CMIP: variants seen among roughly 807,000 people sequenced by gnomAD.
The protein encoded by CMIP is c-Maf inducing protein.
A neutral mutation model predicts 97.3 loss-of-function variants in CMIP; 13 were observed. The observed-to-expected ratio is 0.13, with a 90% CI of 0.09 to 0.21. CMIP has a LOEUF of 0.21. Ranked by LOEUF, CMIP falls within the 10% of genes least tolerant of loss-of-function variation. The probability of loss-of-function intolerance (pLI) is 1.00; values close to 1 mark genes in which losing one functional copy is unlikely to be tolerated. For missense variants in CMIP, 847 were observed against 1,024.9 expected (o/e 0.83, Z 2.37); for synonymous variants, 538 against 436.3 (o/e 1.23, Z -2.91).
chr16:81,621,130 A>G lies in CMIP; in HGVS notation c.477+204A>G, dbSNP rs1036047339. The G allele has an allele frequency of 3.6e-6, 2 of 560,694 alleles. No homozygotes were observed. The highest frequency in any genetic ancestry group is 3.8e-5 in the African/African-American group (2 of 52,764). The allele number at this position is 560,694 out of a possible 1,614,324, so 34.7% of individuals were successfully genotyped here. On this transcript the variant is annotated intron_variant, in intron 3 of 20. Coordinates refer to ENST00000537098, the MANE Select transcript of CMIP (RefSeq NM_198390.3). The surrounding 1 kb of genome is among the most constrained non-coding windows in gnomAD (Gnocchi z 4.1). ...CTGTCCCCTGCAGTGCTGAAATAGC[A>G]TTCTCGCCCTGGTGTTCTCAAACCC...
intron 1 of CMIP, among the ~76,000 whole-genome samples, chr16:81,583,055 C>G (rs1390540303): frequency 6.6e-6 from 1 of 152,186 alleles, no homozygotes; most frequent in Non-Finnish European, 1.5e-5. Context: ...GTGTTTCTAT[C>G]TAAAATTATT....
intron 11 of CMIP, among the ~76,000 whole-genome samples, chr16:81,692,144 C>A (rs1376829868): frequency 1.3e-5 from 2 of 152,202 alleles, no homozygotes; most frequent in African/African-American, 4.8e-5. Flanking sequence ...TCCTGGCAGG[C>A]CGTGCAGTTA....
chr16:81,664,076 C>G (rs566230254), intron 6 of CMIP, among the ~76,000 whole-genome samples, 193 bp from the exon 7 acceptor site: 1 of 152,284 alleles, frequency 6.6e-6, no homozygotes, highest in Non-Finnish European at 1.5e-5. Flanking sequence ...CTACCTTCCT[C>G]TCCGTTCTGC....
chr16:81,708,872 G>T (rs935263463), intron 20 of CMIP, among the ~76,000 whole-genome samples: 1 of 152,230 alleles, frequency 6.6e-6, no homozygotes, highest in Non-Finnish European at 1.5e-5. Context: ...GCAGCAGCGA[G>T]GAATTGCATG....
rs2089573766 is a variant in CMIP at position 81,500,256 on chromosome 16, G to GTCCTTCCTTCCGTCCGTCCT, written c.300+54726_300+54727insGTCCGTCCTTCCTTCCTTCC. On this transcript the variant is annotated intron_variant, in intron 1 of 20. Coordinates refer to ENST00000537098, the MANE Select transcript of CMIP (RefSeq NM_198390.3). ...TATCAAAATTTCCTTCCTTCCTTCC[G>GTCCTTCCTTCCGTCCGTCCT]TCCTTCCTTCCTTCCGTCCTTCCTT... Among the ~76,000 whole-genome samples the GTCCTTCCTTCCGTCCGTCCT allele has an allele frequency of 6.9e-3, 759 of 109,474 alleles. 18 individuals carry two copies. Among genetic ancestry groups the GTCCTTCCTTCCGTCCGTCCT allele is most frequent in the African/African-American group, 0.024 (732 of 30,544 alleles). The allele number at this position is 109,474 out of a possible 152,430, so 71.8% of individuals were successfully genotyped here. A position where few individuals can be genotyped will look rare whatever the true frequency, so the allele number is the denominator to read the frequency against.
At chr16:81,653,414 T>G (rs2092450524) in intron 4 of CMIP, among the ~76,000 whole-genome samples, 2 of 151,780 alleles carry the variant, frequency 1.3e-5, no homozygotes, top group African/African-American at 4.8e-5. Context: ...GGAGGCGAGG[T>G]GGGAGGTAGA....
intron 1 of CMIP, among the ~76,000 whole-genome samples, chr16:81,542,369 G>C (rs768815277): frequency 1.4e-4 from 21 of 152,216 alleles, no homozygotes; most frequent in Non-Finnish European, 1.9e-4. Flanking sequence ...TTGAGTCCCA[G>C]TTGTATGCTC....
At chr16:81,706,104 C>T (rs1908108505) in intron 19 of CMIP, among the ~76,000 whole-genome samples, 1 of 152,248 alleles carries the variant, frequency 6.6e-6, no homozygotes, top group Admixed American at 6.5e-5. Context: ...ACAGAATTCT[C>T]AAGGAACCTA....
intron 3 of CMIP, among the ~76,000 whole-genome samples, chr16:81,638,506 C>T (rs745889340): frequency 6.6e-6 from 1 of 152,012 alleles, no homozygotes; most frequent in Non-Finnish European, 1.5e-5. Flanking sequence ...AGAAACTGGT[C>T]GTATCCTTAT....
At chr16:81,583,257 C>T (rs1467513498) in intron 1 of CMIP, among the ~76,000 whole-genome samples, 8 of 152,230 alleles carry the variant, frequency 5.3e-5, no homozygotes, top group Admixed American at 3.9e-4. Context: ...AGTCCTGGGC[C>T]TCATGTCTGT....
chr16:81,506,648 C>T (rs2089713902), intron 1 of CMIP, among the ~76,000 whole-genome samples: 1 of 152,358 alleles, frequency 6.6e-6, no homozygotes, highest in Middle Eastern at 3.4e-3. Context: ...AAATGGCTCA[C>T]TCATGCCTGT....
At chr16:81,583,453 T>A (rs1230759426) in intron 1 of CMIP, among the ~76,000 whole-genome samples, 1 of 152,228 alleles carries the variant, frequency 6.6e-6, no homozygotes, top group East Asian at 1.9e-4. Flanking sequence ...TCTTTCTCAG[T>A]TAGTGCCCGA....
intron 1 of CMIP, chr16:81,520,466 C>G (rs2089998080): frequency 6.6e-6 from 1 of 151,008 alleles, no homozygotes; most frequent in African/African-American, 2.4e-5. Flanking sequence ...TTTGGGAAGC[C>G]AAGGTAGGAG....
chr16:81,705,627 G>T (rs777098040), intron 19 of CMIP, 23 bp downstream of exon 19: 4 of 1,486,548 alleles, frequency 2.7e-6, no homozygotes, highest in South Asian at 1.2e-5. Context: ...GGGGCAGCTG[G>T]GGGGTGAGGG....
chr16:81,667,799 A>AGAGAGT lies in CMIP; in HGVS notation c.826-2342_826-2341insAGAGTG. 1.6e-3 allele frequency among the ~76,000 whole-genome samples: 95 copies of AGAGAGT among 58,136 alleles called. 1 individual carries two copies. Among genetic ancestry groups the AGAGAGT allele is most frequent in the East Asian group, 3.9e-3 (6 of 1,526 alleles). The allele number at this position is 58,136 out of a possible 152,430, so 38.1% of individuals were successfully genotyped here. A position where few individuals can be genotyped will look rare whatever the true frequency, so the allele number is the denominator to read the frequency against. ...GAGAGAGAGAGAGAGAGAGAGAGAG[A>AGAGAGT]GTGTGTGTGTGTGTGTGTGTGTGTG... On this transcript the variant is annotated intron_variant, in intron 7 of 20. Transcript: ENST00000537098.
rs1905718988 is a variant in CMIP at position 81,444,831 on chromosome 16, GAC to G, written c.-406_-405del. ...CCACTCTCGCCCGGACGGCCGCGCG[GAC>G]ACACGCTCTGTACACACGCGCGCGG... is the stretch of plus-strand genomic sequence containing the variant. On this transcript the variant is annotated 5_prime_UTR_variant, in exon 1 of 21. Coordinates refer to ENST00000537098, the MANE Select transcript of CMIP (RefSeq NM_198390.3). Among the ~76,000 whole-genome samples the G allele has an allele frequency of 6.9e-6, 1 of 144,708 alleles. No individual in the cohort carries two copies. The highest frequency in any genetic ancestry group is 2.5e-5 in the African/African-American group (1 of 40,414). The allele number at this position is 144,708 out of a possible 152,430, so 94.9% of individuals were successfully genotyped here.
intron 3 of CMIP, among the ~76,000 whole-genome samples, chr16:81,648,141 G>C (rs1478984758): frequency 2.0e-5 from 3 of 149,738 alleles, no homozygotes; most frequent in African/African-American, 7.4e-5. Flanking sequence ...AAGCATTCTT[G>C]ACACTTCTTC....
At chr16:81,487,910 C>T (rs973293841) in intron 1 of CMIP, among the ~76,000 whole-genome samples, 3 of 152,202 alleles carry the variant, frequency 2.0e-5, no homozygotes, top group African/African-American at 7.2e-5. Context: ...GGTTACTAGA[C>T]GATCTTCGAA....
At chr16:81,445,964 T>TA (rs547486946) in intron 1 of CMIP, among the ~76,000 whole-genome samples, 49 of 145,284 alleles carry the variant, frequency 3.4e-4, no homozygotes, top group East Asian at 1.8e-3. Context: ...CCCTCAGATT[T>TA]AAAAAAAAAA....
Sources: gnomAD v4.1 joint callset for allele counts (sites outside exome capture counted in the v4.1 genomes callset) on GRCh38, gnomAD v4.1.1 for gene constraint, Gnocchi (gnomAD v3.1) non-coding constraint, MANE v1.5 for transcripts, NCBI Gene and HGNC (gene_info 2026-07-23, HGNC 2026-07-21) for gene names.